The following CACHD1 variants were observed in gnomAD, a reference collection of about 807,000 sequenced individuals.
The protein encoded by CACHD1 is cache domain containing 1.
A neutral mutation model predicts 138.7 loss-of-function variants in CACHD1; 71 were observed. That is an observed-to-expected ratio of 0.51 (90% CI 0.42 to 0.62). CACHD1 has a LOEUF of 0.62. Among genes scored for constraint, CACHD1 ranks in the 20% least tolerant of loss-of-function variants. CACHD1 has a pLI of 0.00. For synonymous variants in CACHD1, 578 were observed against 591.5 expected (o/e 0.98, Z 0.33); for missense variants, 1,389 against 1,625.3 (o/e 0.85, Z 2.50).
intron 2 of CACHD1, among the ~76,000 whole-genome samples, chr1:64,574,532 G>A (rs1646951654): frequency 6.6e-6 from 1 of 152,184 alleles, no homozygotes. Context: ...TATCCTGACT[G>A]TGTTGACTAC....
At chr1:64,673,502 A>G (rs1649887137) in intron 19 of CACHD1, 38 bp downstream of exon 19, 2 of 1,462,350 alleles carry the variant, frequency 1.4e-6, no homozygotes, top group Non-Finnish European at 1.9e-6. Flanking sequence ...TCATTTTTCC[A>G]TCCCATTATG....
chr1:64,517,936 C>A (rs1490807961), intron 1 of CACHD1, among the ~76,000 whole-genome samples: 1 of 152,124 alleles, frequency 6.6e-6, no homozygotes, highest in Non-Finnish European at 1.5e-5. Context: ...CCTTGGGAAA[C>A]AAAGGAAATG....
At chr1:64,543,837 T>G (rs908190494) in intron 1 of CACHD1, among the ~76,000 whole-genome samples, 1 of 150,922 alleles carries the variant, frequency 6.6e-6, no homozygotes, top group South Asian at 2.1e-4. Context: ...AATACTTAAA[T>G]TAGGTTTTCA....
At chr1:64,571,256 A>G (rs1476812965) in intron 2 of CACHD1, among the ~76,000 whole-genome samples, 2 of 152,126 alleles carry the variant, frequency 1.3e-5, no homozygotes, top group Admixed American at 6.6e-5. Flanking sequence ...CTTAGTTTTA[A>G]AAGGAATTTA....
intron 2 of CACHD1, among the ~76,000 whole-genome samples, chr1:64,554,550 A>C (rs758696788): frequency 4.6e-5 from 7 of 152,286 alleles, no homozygotes; most frequent in East Asian, 3.9e-4. Context: ...CCTTTGCCAA[A>C]TGTGGGGTGT....
chr1:64,551,231 T>C (rs1055357378), intron 2 of CACHD1, among the ~76,000 whole-genome samples: 2 of 151,896 alleles, frequency 1.3e-5, no homozygotes, highest in African/African-American at 4.8e-5. Context: ...TTTTTTTTTT[T>C]CCTTTGCTTC....
chr1:64,627,516 C>T lies in CACHD1; in HGVS notation c.518-1839C>T, dbSNP rs1648151886. ...TGAGTGCCAAGGAGACAGAGTAGAC[C>T]ATCGTCTTACCTTCTTGGAGTTCAT... On this transcript the variant is annotated intron_variant, in intron 4 of 26. Transcript: ENST00000651257. Among the ~76,000 whole-genome samples the T allele has an allele frequency of 3.3e-5, 5 of 152,164 alleles. No individual in the cohort carries two copies. The South Asian group carries it at 1.0e-3, about 32-fold the overall frequency.
intron 7 of CACHD1, among the ~76,000 whole-genome samples, chr1:64,640,089 C>T (rs1206219111): frequency 6.6e-6 from 1 of 152,186 alleles, no homozygotes. Flanking sequence ...CTTGCAGAAG[C>T]CACAGTCTTT....
chr1:64,520,253 G>A (rs1231775665), intron 1 of CACHD1, among the ~76,000 whole-genome samples: 2 of 152,136 alleles, frequency 1.3e-5, no homozygotes, highest in Non-Finnish European at 2.9e-5. Flanking sequence ...GAATATTTTG[G>A]CCAATTCTCA....
At chr1:64,634,732 C>G (rs537376558) in intron 7 of CACHD1, among the ~76,000 whole-genome samples, 2 of 152,136 alleles carry the variant, frequency 1.3e-5, no homozygotes, top group African/African-American at 4.8e-5. Context: ...CGGTGGCTCA[C>G]GCCTATAATC....
At chr1:64,560,684 G>A (rs1212159934) in intron 2 of CACHD1, among the ~76,000 whole-genome samples, 1 of 151,792 alleles carries the variant, frequency 6.6e-6, no homozygotes, top group Non-Finnish European at 1.5e-5. Context: ...CAGTTTTTAG[G>A]TGTTCTTTAT....
At chr1:64,666,216 A>T (rs778785444) in intron 16 of CACHD1, 49 bp downstream of exon 16, 74 of 1,283,526 alleles carry the variant, frequency 5.8e-5, no homozygotes, top group Non-Finnish European at 8.0e-5. Flanking sequence ...TATCAAGGAT[A>T]TTTTGGAAAT....
intron 16 of CACHD1, among the ~76,000 whole-genome samples, chr1:64,670,355 A>T (rs1011106109): frequency 1.3e-5 from 2 of 152,184 alleles, no homozygotes; most frequent in African/African-American, 4.8e-5. Flanking sequence ...CCCAAGCTTT[A>T]GTTTTCTGGA....
chr1:64,665,064 A>T (rs755120511), intron 15 of CACHD1, among the ~76,000 whole-genome samples: 3 of 152,178 alleles, frequency 2.0e-5, no homozygotes, highest in Non-Finnish European at 2.9e-5. Flanking sequence ...ATTCAAAAAC[A>T]TTCTTTTACT....
chr1:64,569,083 G>A (rs770457368), intron 2 of CACHD1, among the ~76,000 whole-genome samples: 4 of 151,064 alleles, frequency 2.6e-5, no homozygotes, highest in African/African-American at 9.8e-5. Context: ...CACCACACCC[G>A]GCTAATTTTT....
chr1:64,578,436 A>G (rs1006824959), intron 2 of CACHD1, among the ~76,000 whole-genome samples: 1 of 152,184 alleles, frequency 6.6e-6, no homozygotes, highest in Non-Finnish European at 1.5e-5. Flanking sequence ...CTGCTTCAAT[A>G]TGTATATCCT....
chr1:64,622,410 T>C (rs529528698), intron 4 of CACHD1, among the ~76,000 whole-genome samples: 1 of 152,364 alleles, frequency 6.6e-6, no homozygotes, highest in East Asian at 1.9e-4. Context: ...TGTTTTTCTT[T>C]ATAAGATTAA....
At chr1:64,625,347 A>G (rs1377091575) in intron 4 of CACHD1, among the ~76,000 whole-genome samples, 1 of 151,986 alleles carries the variant, frequency 6.6e-6, no homozygotes, top group Non-Finnish European at 1.5e-5. Context: ...CCTAGTGGGG[A>G]TGGGCGTGGT....
At position 64,675,384 on chromosome 1, in the gene CACHD1, C is replaced by A. The variant is rs1342140938; in HGVS notation, c.2728-17C>A. On this transcript the variant is annotated splice_polypyrimidine_tract_variant and intron_variant, in intron 19 of 26. Transcript: ENST00000651257. ...GCATTGCTGTCTGTCATTTCTGATA[C>A]CTTGATTGTTCTGTAGGGGGATTTG... 1 of 1,553,078 alleles carries A rather than the reference C, an allele frequency of 6.4e-7. No homozygotes were observed. The highest frequency in any genetic ancestry group is 1.2e-5 in the South Asian group (1 of 85,084).
Sources: allele counts gnomAD v4.1 joint callset (sites outside exome capture counted in the v4.1 genomes callset), GRCh38; gene constraint gnomAD v4.1.1; transcripts MANE v1.5; gene names NCBI Gene and HGNC (gene_info 2026-07-23, HGNC 2026-07-21).